PXMP2: variants seen among roughly 807,000 people sequenced by gnomAD.
The protein encoded by PXMP2 is peroxisomal membrane protein 2, also known as 22 kDa peroxisomal membrane protein.
In PXMP2, 13 loss-of-function variants were observed where a neutral mutation model predicts 20.2. The ratio of observed to expected loss-of-function variants is 0.64; its 90% CI spans 0.42 to 1.02. The LOEUF (loss-of-function observed/expected upper bound fraction) is 1.02. Ranked by LOEUF, PXMP2 falls within the 50% of genes least tolerant of loss-of-function variation. The pLI is 0.00. For missense variants in PXMP2, 284 were observed against 251.8 expected, an observed-to-expected ratio of 1.13 and a Z score of -0.87; for synonymous variants, 113 against 111.2, an observed-to-expected ratio of 1.02 and a Z score of -0.10.
At chr12:132,701,827 C>T (rs1257643230) in intron 4 of PXMP2, 1 of 185,988 alleles carries the variant, frequency 5.4e-6, no homozygotes, top group Non-Finnish European at 1.1e-5. Flanking sequence ...CAGTAGCTCA[C>T]ACCTGTAATC....
chr12:132,702,380 G>A (rs930092768), intron 4 of PXMP2: 3 of 271,244 alleles, frequency 1.1e-5, no homozygotes, highest in Non-Finnish European at 2.3e-5. Context: ...GTGGTGTGGA[G>A]GCTGGAGCTC....
chr12:132,695,612 C>A (rs1166602365), intron 2 of PXMP2, among the ~76,000 whole-genome samples: 9 of 152,188 alleles, frequency 5.9e-5, no homozygotes, highest in Admixed American at 3.9e-4. Flanking sequence ...GCTGGGACGA[C>A]CTGGAAGCTG....
At chr12:132,699,902 C>T (rs1216749705) in intron 3 of PXMP2, among the ~76,000 whole-genome samples, 2 of 152,076 alleles carry the variant, frequency 1.3e-5, no homozygotes, top group East Asian at 1.9e-4. Context: ...ATTGCTGGAT[C>T]GAATGGTGGT....
At chr12:132,702,408 A>G in intron 4 of PXMP2, 2 of 308,650 alleles carry the variant, frequency 6.5e-6, no homozygotes, top group Middle Eastern at 4.3e-4. Context: ...TGCCACTGGG[A>G]TCAACTGTCT....
In PXMP2 at chr12:132,704,618, G is replaced by A. The variant is rs1271668826; in HGVS notation, c.520-1G>A. 2.1e-6 allele frequency: 3 copies of A among 1,446,656 alleles called. No individual in the cohort carries two copies. In the African/African-American group the frequency reaches 4.4e-5, roughly 21 times the overall value. The allele number at this position is 1,446,656 out of a possible 1,614,324, so 89.6% of individuals were successfully genotyped here. A position where few individuals can be genotyped will look rare whatever the true frequency, so the allele number is the denominator to read the frequency against. Reference sequence around the variant, plus strand: ...GCCTGTTGGACTGTTCTTTTCGGCAGTTCCGGGTGCTCTTCGCCAACCTGG... The same window carrying A: ...GCCTGTTGGACTGTTCTTTTCGGCAATTCCGGGTGCTCTTCGCCAACCTGG... On this transcript the variant is annotated splice_acceptor_variant, in intron 4 of 4. Transcript: ENST00000317479. LOFTEE classifies it high-confidence loss of function.
At chr12:132,694,095 C>CAGTTAGTGAGCGCCCTTAGCCAGTT (rs1565991261) in intron 2 of PXMP2, among the ~76,000 whole-genome samples, 104 of 84,592 alleles carry the variant, frequency 1.2e-3, no homozygotes, top group African/African-American at 2.2e-3. Flanking sequence ...CGCCCTTAGC[C>CAGTTAGTGAGCGCCCTTAGCCAGTT]AGTTAGTGAG....
At chr12:132,698,860 C>G (rs914592013) in intron 3 of PXMP2, among the ~76,000 whole-genome samples, 1 of 152,184 alleles carries the variant, frequency 6.6e-6, no homozygotes. Flanking sequence ...CTCCTGGCCT[C>G]AAGTGATATG....
At chr12:132,703,756 G>C (rs1168072121) in intron 4 of PXMP2, among the ~76,000 whole-genome samples, 1 of 152,222 alleles carries the variant, frequency 6.6e-6, no homozygotes, top group Non-Finnish European at 1.5e-5. Flanking sequence ...GCTGTGGTCA[G>C]CATCTGGGGA....
intron 4 of PXMP2, 200 bp downstream of exon 4, chr12:132,701,569 T>C (rs2136068277): frequency 5.9e-6 from 4 of 682,102 alleles, no homozygotes; most frequent in East Asian, 3.2e-5. Flanking sequence ...CCCTGAATCA[T>C]TGCTAGTTCG....
Position 132,695,928 on chromosome 12 carries a change from T to A in PXMP2, c.281T>A (p.Met94Lys). Residue 94 changes from methionine (M) to lysine (K), a missense_variant, in exon 3 of 5, where the codon ATG becomes AAG. Met to Lys is a moderately conservative substitution (Grantham distance 95). Coordinates refer to ENST00000317479, the MANE Select transcript of PXMP2 (RefSeq NM_018663.3). ...CTGAGTCACTTCTTCTACTTCTTCA[T>A]GGAACATTGGATCCCTCCTGAGGTC... The part of the protein sequence containing the change: ...GPLSHFFYFF[M>K]EHWIPPEVPL... The A allele has an allele frequency of 6.2e-7, 1 of 1,611,210 alleles. No homozygotes were observed. Among genetic ancestry groups the A allele is most frequent in the Middle Eastern group, 1.7e-4 (1 of 6,050 alleles).
At chr12:132,702,889 G>T (rs1052165974) in intron 4 of PXMP2, among the ~76,000 whole-genome samples, 1 of 152,216 alleles carries the variant, frequency 6.6e-6, no homozygotes, top group Admixed American at 6.5e-5. Flanking sequence ...AGGCGGCCCA[G>T]TGTGTGCACA....
chr12:132,689,825 G>A (rs530395625), intron 1 of PXMP2, among the ~76,000 whole-genome samples: 2 of 152,266 alleles, frequency 1.3e-5, no homozygotes, highest in East Asian at 3.9e-4. Flanking sequence ...AGGGCATTGC[G>A]TGGACACAGT....
chr12:132,699,836 G>C (rs922379386), intron 3 of PXMP2, among the ~76,000 whole-genome samples: 9 of 152,128 alleles, frequency 5.9e-5, no homozygotes, highest in African/African-American at 1.9e-4. Flanking sequence ...AAACACACGA[G>C]GGCAGGGATT....
chr12:132,695,893 C>T lies in PXMP2; in HGVS notation c.246C>T (p.Phe82=). The part of the protein sequence containing the change: ...PLRYAVYGFF[F]TGPLSHFFYF... ...CCCCTGGGGGCCTCAGGTTCTTCTT[C>T]ACAGGGCCGCTGAGTCACTTCTTCT... The change falls in exon 3 of 5, where the codon TTC becomes TTT. Residue 82 remains phenylalanine, a synonymous_variant. Coordinates refer to ENST00000317479, the MANE Select transcript of PXMP2 (RefSeq NM_018663.3). The T allele has an allele frequency of 6.2e-7, 1 of 1,605,942 alleles. No individual in the cohort carries two copies. The highest frequency in any genetic ancestry group is 1.1e-5 in the South Asian group (1 of 89,148).
At chr12:132,703,472 A>G (rs112256604) in intron 4 of PXMP2, among the ~76,000 whole-genome samples, 5,238 of 152,214 alleles carry the variant, frequency 0.034, 273 homozygotes, top group African/African-American at 0.12. Flanking sequence ...GTGAGCCCCC[A>G]GCACACTCAC....
In PXMP2 at chr12:132,701,301, G is replaced by T. The variant is rs761176021; in HGVS notation, c.451G>T (p.Ala151Ser). The change falls in exon 4 of 5, where the codon GCG (alanine) becomes TCG (serine). Residue 151 changes from alanine to serine, a missense_variant. Physicochemically the swap from Ala to Ser is moderately conservative, Grantham distance 99 (BLOSUM62 1). Transcript: ENST00000317479. The part of the protein sequence containing the change: ...AAKMRGGFWP[A>S]LRMNWRVWTP... ...CAAGATGAGGGGGGGCTTCTGGCCGGCGCTGAGGATGAACTGGCGGGTGTG... is the reference window on the plus strand; with the variant it reads ...CAAGATGAGGGGGGGCTTCTGGCCGTCGCTGAGGATGAACTGGCGGGTGTG... 1 of 1,612,850 alleles carries T rather than the reference G, an allele frequency of 6.2e-7. No homozygotes were observed.
At chr12:132,703,974 CAG>C (rs1398103853) in intron 4 of PXMP2, among the ~76,000 whole-genome samples, 2 of 152,112 alleles carry the variant, frequency 1.3e-5, no homozygotes, top group African/African-American at 4.8e-5. Context: ...AGCGTGGGGG[CAG>C]AGTCGCCATC....
chr12:132,694,379 C>T (rs545792684), intron 2 of PXMP2, among the ~76,000 whole-genome samples: 1 of 78,382 alleles, frequency 1.3e-5, no homozygotes, highest in African/African-American at 4.6e-5. Flanking sequence ...AGTTAGTGAG[C>T]GCCCTTGCCA....
chr12:132,690,711 A>G (rs1320073993), intron 2 of PXMP2, among the ~76,000 whole-genome samples: 1 of 151,908 alleles, frequency 6.6e-6, no homozygotes, highest in Non-Finnish European at 1.5e-5. Flanking sequence ...ATGCCCAGCT[A>G]ATTTTTGTTA....
Sources: allele counts gnomAD v4.1 joint callset (sites outside exome capture counted in the v4.1 genomes callset), GRCh38; gene constraint gnomAD v4.1.1; transcripts MANE v1.5; gene names NCBI Gene and HGNC (gene_info 2026-07-23, HGNC 2026-07-21).